The following CDH13 variants were observed in gnomAD, a reference collection of about 807,000 sequenced individuals.
CDH13 encodes the protein cadherin 13.
In CDH13, 24 loss-of-function variants were observed where a neutral mutation model predicts 63.8. The observed-to-expected ratio is 0.38, with a 90% CI of 0.27 to 0.53. CDH13 has a LOEUF of 0.53. CDH13 is among the 20% of genes least tolerant of loss of function. CDH13 has a pLI of 0.85. For synonymous variants in CDH13, 503 were observed against 355.3 expected (o/e 1.42, Z -4.67); for missense variants, 1,049 against 903.1 (o/e 1.16, Z -2.07).
At position 82,804,267 on chromosome 16, in the gene CDH13, G is replaced by T. The variant is rs568972424; in HGVS notation, c.46-54095G>T. Among the ~76,000 whole-genome samples the T allele has an allele frequency of 8.0e-5, 10 of 124,586 alleles. No homozygotes were observed. The East Asian group carries it at 2.2e-3, about 27-fold the overall frequency. 81.7% of individuals were successfully genotyped at this position (124,586 alleles called of 152,430 possible). On this transcript the variant is annotated intron_variant, in intron 1 of 13. Coordinates refer to ENST00000567109, the MANE Select transcript of CDH13 (RefSeq NM_001257.5). ...TTTAGAGTTTAGATCTCAGGTTAGGGGATCTTGCTACACACACACACACAC... is the reference window on the plus strand; with the variant it reads ...TTTAGAGTTTAGATCTCAGGTTAGGTGATCTTGCTACACACACACACACAC...
intron 6 of CDH13, among the ~76,000 whole-genome samples, chr16:83,348,410 C>T (rs1042883094): frequency 2.0e-5 from 3 of 152,188 alleles, no homozygotes; most frequent in Admixed American, 6.5e-5. Flanking sequence ...AGTGTTGAGG[C>T]CTTTGTCACC....
At chr16:83,136,469 G>C (rs1389195596) in intron 4 of CDH13, among the ~76,000 whole-genome samples, 1 of 142,646 alleles carries the variant, frequency 7.0e-6, no homozygotes, top group Admixed American at 7.2e-5. Flanking sequence ...CTGGGCGACA[G>C]AGCGGGACTC....
chr16:83,134,540 G>C (rs376739351), intron 4 of CDH13, among the ~76,000 whole-genome samples: 64 of 123,282 alleles, frequency 5.2e-4, no homozygotes, highest in African/African-American at 2.0e-3. Flanking sequence ...GGGATGGGGT[G>C]GGGGGAGAGA....
chr16:83,367,906 C>T (rs1157867473), intron 6 of CDH13, among the ~76,000 whole-genome samples: 1 of 152,162 alleles, frequency 6.6e-6, no homozygotes, highest in African/African-American at 2.4e-5. Flanking sequence ...ATTGAGTCTT[C>T]CCATCCATGA....
At chr16:83,537,491 C>A (rs1052656420) in intron 7 of CDH13, among the ~76,000 whole-genome samples, 4 of 152,008 alleles carry the variant, frequency 2.6e-5, no homozygotes, top group Non-Finnish European at 5.9e-5. Context: ...TTGTTTAATT[C>A]TTGGGGATTG....
chr16:83,370,991 C>G (rs190683224), intron 6 of CDH13, among the ~76,000 whole-genome samples: 305 of 152,290 alleles, frequency 2.0e-3, no homozygotes, highest in Non-Finnish European at 2.8e-3. Context: ...AAGATACCAT[C>G]TCACACCAGT....
chr16:83,511,109 C>G (rs1567724701), intron 7 of CDH13, among the ~76,000 whole-genome samples: 1 of 104,268 alleles, frequency 9.6e-6, no homozygotes, highest in Non-Finnish European at 2.0e-5. Context: ...CACATGCACG[C>G]ATGCACACAC....
At chr16:83,715,361 C>T (rs1490011996) in intron 10 of CDH13, among the ~76,000 whole-genome samples, 1 of 152,202 alleles carries the variant, frequency 6.6e-6, no homozygotes, top group Non-Finnish European at 1.5e-5. Flanking sequence ...ACTTTATCCT[C>T]ACTGACCTTA....
intron 11 of CDH13, among the ~76,000 whole-genome samples, chr16:83,753,017 A>C (rs1239721064): frequency 6.6e-6 from 1 of 152,214 alleles, no homozygotes; most frequent in Non-Finnish European, 1.5e-5. Flanking sequence ...CAGAGAGCTA[A>C]AATGTCCCCA....
In CDH13 at chr16:83,748,337, G is replaced by C. The variant is rs953886142; in HGVS notation, c.1681+87G>C. The C allele has an allele frequency of 3.3e-6, 4 of 1,226,454 alleles. No homozygotes were observed. In the African/African-American group the frequency reaches 4.5e-5, roughly 14 times the overall value. The allele number at this position is 1,226,454 out of a possible 1,614,324, so 76.0% of individuals were successfully genotyped here. A position where few individuals can be genotyped will look rare whatever the true frequency, so the allele number is the denominator to read the frequency against. Reference sequence around the variant, plus strand: ...TTTAAATTTCTTCTGATACACCCAGGGGTGTTCTTGGGAAGAATGTAAGTG... The same window carrying C: ...TTTAAATTTCTTCTGATACACCCAGCGGTGTTCTTGGGAAGAATGTAAGTG... On this transcript the variant is annotated intron_variant, in intron 11 of 13. Transcript: ENST00000567109.
chr16:82,842,028 G>T (rs1322298746), intron 1 of CDH13, among the ~76,000 whole-genome samples: 2 of 147,802 alleles, frequency 1.4e-5, no homozygotes, highest in African/African-American at 2.5e-5. Context: ...ACCCCTCACT[G>T]CTAGAAGAAT....
At chr16:83,376,487 G>T (rs2091461644) in intron 6 of CDH13, among the ~76,000 whole-genome samples, 1 of 152,174 alleles carries the variant, frequency 6.6e-6, no homozygotes, top group African/African-American at 2.4e-5. Flanking sequence ...ATGCAAAGAT[G>T]TCAAAGTGAC....
At chr16:83,059,919 G>A (rs1037599169) in intron 3 of CDH13, among the ~76,000 whole-genome samples, 4 of 149,702 alleles carry the variant, frequency 2.7e-5, no homozygotes, top group African/African-American at 4.9e-5. Flanking sequence ...TCAGCCTCCC[G>A]AGTAGCTGGG....
chr16:83,353,027 C>G (rs373904619), intron 6 of CDH13, among the ~76,000 whole-genome samples: 3 of 152,168 alleles, frequency 2.0e-5, no homozygotes, highest in African/African-American at 7.2e-5. Flanking sequence ...CATGTGTACA[C>G]ATGGACATAG....
intron 4 of CDH13, among the ~76,000 whole-genome samples, chr16:83,164,629 A>G (rs1476025854): frequency 2.0e-5 from 3 of 151,572 alleles, no homozygotes; most frequent in Admixed American, 2.0e-4. Context: ...CTGAGGCAAG[A>G]GAATCGCTTG....
intron 6 of CDH13, among the ~76,000 whole-genome samples, chr16:83,378,244 A>C (rs974107204): frequency 1.3e-5 from 2 of 152,168 alleles, no homozygotes; most frequent in African/African-American, 4.8e-5. Context: ...CAAAACAACA[A>C]CTGAGAATCT....
intron 6 of CDH13, among the ~76,000 whole-genome samples, chr16:83,377,473 G>C (rs1050494695): frequency 3.9e-5 from 6 of 152,156 alleles, no homozygotes; most frequent in African/African-American, 1.4e-4. Context: ...TGATGGGACT[G>C]TCAAACTCTT....
chr16:83,124,012 A>G (rs1193806654), intron 3 of CDH13, among the ~76,000 whole-genome samples: 1 of 151,990 alleles, frequency 6.6e-6, no homozygotes, highest in Non-Finnish European at 1.5e-5. Context: ...CCTTTTGAAG[A>G]ATGTCTGTTC....
At chr16:82,854,607 G>A (rs949112693) in intron 1 of CDH13, among the ~76,000 whole-genome samples, 2 of 152,156 alleles carry the variant, frequency 1.3e-5, no homozygotes, top group Non-Finnish European at 2.9e-5. Flanking sequence ...AGCGAAGAGT[G>A]TGCTGGTTTA....
Sources: allele counts gnomAD v4.1 joint callset (sites outside exome capture counted in the v4.1 genomes callset), GRCh38; gene constraint gnomAD v4.1.1; transcripts MANE v1.5; gene names NCBI Gene and HGNC (gene_info 2026-07-23, HGNC 2026-07-21).